Variants in GPLD1 observed in about 807,000 individuals in gnomAD.
GPLD1 encodes phosphatidylinositol-glycan-specific phospholipase D.
GPLD1 carries 84 observed loss-of-function variants against 112.6 expected under a neutral mutation model. The observed-to-expected ratio is 0.75, with a 90% CI of 0.63 to 0.89. GPLD1 has a LOEUF of 0.89. Ranked by LOEUF, GPLD1 falls within the 40% of genes least tolerant of loss-of-function variation. GPLD1 has a pLI of 0.00. For synonymous variants in GPLD1, 386 were observed against 403.8 expected (o/e 0.96, Z 0.53); for missense variants, 1,044 against 1,051.5 (o/e 0.99, Z 0.10).
In GPLD1 at chr6:24,428,885, A is replaced by T. The variant is rs1062532; in HGVS notation, c.*147T>A. The T allele has an allele frequency of 3.9e-6, 2 of 515,396 alleles. No homozygotes were observed. The highest frequency in any genetic ancestry group is 7.0e-6 in the Non-Finnish European group (2 of 285,286). 31.9% of individuals were successfully genotyped at this position (515,396 alleles called of 1,614,324 possible). ...CAGATTTCCAGAGGGTGTGGCTGTT[A>T]GTGTGTCTCTCTACTCCCAGGAGCC... On this transcript the variant is annotated 3_prime_UTR_variant, in exon 25 of 25. Coordinates refer to ENST00000230036, the MANE Select transcript of GPLD1 (RefSeq NM_001503.4).
chr6:24,477,329 A>G (rs1229643477), intron 3 of GPLD1, among the ~76,000 whole-genome samples: 1 of 150,172 alleles, frequency 6.7e-6, no homozygotes, highest in East Asian at 1.9e-4. Flanking sequence ...CATAGCTCAC[A>G]AAGGGTCAAT....
At chr6:24,468,909 T>C (rs1763707694) in intron 7 of GPLD1, among the ~76,000 whole-genome samples, 1 of 152,260 alleles carries the variant, frequency 6.6e-6, no homozygotes, top group Non-Finnish European at 1.5e-5. Flanking sequence ...TGAGGCTGTA[T>C]CATGGGTGTG....
Position 24,426,776 on chromosome 6 carries a change from T to C in GPLD1, c.*2256A>G, listed in dbSNP as rs1405038083. 6.6e-6 allele frequency among the ~76,000 whole-genome samples: 1 copy of C among 152,228 alleles called. No homozygotes were observed. Among genetic ancestry groups the C allele is most frequent in the Non-Finnish European group, 1.5e-5 (1 of 68,038 alleles). The stretch of plus-strand genomic sequence containing the variant: ...TGGTCCCCTAAAAATAACCATCCTT[T>C]TAATTAAAAGTAATTCTTCAGATAG... On this transcript the variant is annotated 3_prime_UTR_variant, in exon 25 of 25. Transcript: ENST00000230036.
At chr6:24,433,484 C>CTTTTT (rs58008688) in intron 22 of GPLD1, 95 bp from the exon 23 acceptor site, 14 of 437,218 alleles carry the variant, frequency 3.2e-5, no homozygotes, top group South Asian at 1.0e-4. Context: ...CTCATTTCTA[C>CTTTTT]TTTTTTTTTT....
At position 24,445,782 on chromosome 6, in the gene GPLD1, C is replaced by T. The variant is rs201973866; in HGVS notation, c.1870G>A (p.Val624Met). ...IRDEKKSLGR[V>M]YGYFPPNGQS... ...CCGTTTGGTGGGAAGTAGCCATACA[C>T]CCTCCCAAGGCTCTTTTTCTCATCT... is the stretch of plus-strand genomic sequence containing the variant. The change falls in exon 19 of 25, where the codon GTG (valine) becomes ATG (methionine). Residue 624 changes from valine (V) to methionine (M), a missense_variant. Coordinates refer to ENST00000230036, the MANE Select transcript of GPLD1 (RefSeq NM_001503.4). The T allele has an allele frequency of 9.9e-6, 16 of 1,613,840 alleles. No homozygotes were observed. Among genetic ancestry groups the T allele is most frequent in the Non-Finnish European group, 1.4e-5 (16 of 1,179,940 alleles).
intron 15 of GPLD1, among the ~76,000 whole-genome samples, chr6:24,448,520 G>T (rs1439297525): frequency 6.6e-6 from 1 of 152,124 alleles, no homozygotes; most frequent in Non-Finnish European, 1.5e-5. Context: ...TTGCTGCTGG[G>T]CTGAAAGGAA....
chr6:24,444,934 T>C (rs1762858382), intron 20 of GPLD1, among the ~76,000 whole-genome samples: 1 of 146,354 alleles, frequency 6.8e-6, no homozygotes, highest in Admixed American at 7.0e-5. Flanking sequence ...CCAAGTTCCA[T>C]GGGATAGGGG....
intron 20 of GPLD1, among the ~76,000 whole-genome samples, chr6:24,444,869 G>A (rs1184457214): frequency 6.6e-6 from 1 of 151,880 alleles, no homozygotes; most frequent in Non-Finnish European, 1.5e-5. Flanking sequence ...TAAAAGATAG[G>A]TCCTCATAGT....
At chr6:24,481,311 T>C (rs1764194427) in intron 2 of GPLD1, among the ~76,000 whole-genome samples, 4 of 151,736 alleles carry the variant, frequency 2.6e-5, no homozygotes, top group South Asian at 2.1e-4. Flanking sequence ...ATGGACACAC[T>C]GGGCAAAGTA....
chr6:24,433,545 T>C (rs567314833), intron 22 of GPLD1, 156 bp from the exon 23 acceptor site: 236 of 566,280 alleles, frequency 4.2e-4, no homozygotes, highest in African/African-American at 3.3e-3. Context: ...CAGGCTGGAG[T>C]GCAGTGGCGT....
intron 10 of GPLD1, 51 bp downstream of exon 10, chr6:24,466,629 G>A (rs1225103617): frequency 2.0e-6 from 3 of 1,466,920 alleles, no homozygotes; most frequent in Non-Finnish European, 2.8e-6. Context: ...GTTGGGGGAT[G>A]GGGTAAAAAG....
At chr6:24,437,054 G>C in intron 21 of GPLD1, 59 bp downstream of exon 21, 2 of 1,484,262 alleles carry the variant, frequency 1.3e-6, no homozygotes, top group Non-Finnish European at 1.9e-6. Context: ...CCAATTAGGG[G>C]ACCCACCCCC....
In GPLD1 at chr6:24,476,229, A is replaced by T; in HGVS notation, c.282T>A (p.Asn94Lys). The change falls in exon 4 of 25, where the codon AAT becomes AAA. Residue 94 changes from asparagine to lysine, a missense_variant. Coordinates refer to ENST00000230036, the MANE Select transcript of GPLD1 (RefSeq NM_001503.4). The part of the protein sequence containing the change: ...SESTHWTPFL[N>K]ASVHYIRENY... ...TCTCTCGGATATAATGAACGCTTGC[A>T]TTAAGAAACGGAGTCCAGTGAGTGC... 1.3e-6 allele frequency: 2 copies of T among 1,577,870 alleles called. No individual in the cohort carries two copies. Among genetic ancestry groups the T allele is most frequent in the South Asian group, 2.3e-5 (2 of 86,508 alleles).
intron 14 of GPLD1, among the ~76,000 whole-genome samples, chr6:24,451,678 C>G (rs534907006): frequency 6.6e-6 from 1 of 152,312 alleles, no homozygotes; most frequent in Admixed American, 6.5e-5. Context: ...AACGAATGGC[C>G]TTTCACACAG....
Position 24,445,742 on chromosome 6 carries a change from G to A in GPLD1, c.1910C>T (p.Thr637Ile). Residue 637 changes from threonine (T) to isoleucine (I), a missense_variant, in exon 19 of 25, where the codon ACC becomes ATC. Thr to Ile is a moderately conservative substitution (Grantham distance 89). Coordinates refer to ENST00000230036, the MANE Select transcript of GPLD1 (RefSeq NM_001503.4). ...YFPPNGQSWF[T>I]ISGDKAMGKL... ...TTGTCATACCTTGTCTCCAGAAATG[G>A]TAAACCAGCTTTGGCCGTTTGGTGG... 8 of 1,613,578 alleles carry A rather than the reference G, an allele frequency of 5.0e-6. No individual in the cohort carries two copies. The highest frequency in any genetic ancestry group is 6.8e-6 in the Non-Finnish European group (8 of 1,179,638).
chr6:24,484,075 C>A, intron 2 of GPLD1, among the ~76,000 whole-genome samples: 1 of 152,010 alleles, frequency 6.6e-6, no homozygotes, highest in Admixed American at 6.6e-5. Flanking sequence ...ACCACGATGC[C>A]CGGCTAATTT....
At chr6:24,447,010 T>C (rs199862879) in intron 17 of GPLD1, 31 bp from the exon 18 acceptor site, 66 of 1,598,352 alleles carry the variant, frequency 4.1e-5, no homozygotes, top group Middle Eastern at 3.3e-4. Context: ...TTTTTACTAA[T>C]ACTTTAAGTG....
At chr6:24,455,021 T>G (rs977482202) in intron 13 of GPLD1, among the ~76,000 whole-genome samples, 1 of 152,104 alleles carries the variant, frequency 6.6e-6, no homozygotes, top group Admixed American at 6.6e-5. Flanking sequence ...CCCAGCTACT[T>G]TGGAGGCTGA....
intron 15 of GPLD1, among the ~76,000 whole-genome samples, chr6:24,448,515 G>T (rs1231893268): frequency 6.6e-6 from 1 of 152,112 alleles, no homozygotes; most frequent in Non-Finnish European, 1.5e-5. Flanking sequence ...GCGCATTGCT[G>T]CTGGGCTGAA....
Sources: gnomAD v4.1 joint callset for allele counts (sites outside exome capture counted in the v4.1 genomes callset) on GRCh38, gnomAD v4.1.1 for gene constraint, MANE v1.5 for transcripts, NCBI Gene and HGNC (gene_info 2026-07-23, HGNC 2026-07-21) for gene names.